The following F11R variants were observed in gnomAD, a reference collection of about 807,000 sequenced individuals.
F11R encodes junctional adhesion molecule A.
Under a neutral mutation model 39.3 loss-of-function variants are expected in F11R, and 27 were observed. The ratio of observed to expected loss-of-function variants is 0.69; its 90% CI spans 0.51 to 0.95. The LOEUF is 0.95. F11R is among the 40% of genes least tolerant of loss of function. F11R has a pLI of 0.00. For synonymous variants in F11R, 131 were observed against 144.9 expected (o/e 0.90, Z 0.69); for missense variants, 335 against 372.7 (o/e 0.90, Z 0.83).
At chr1:161,011,530 A>C (rs1649159568) in intron 1 of F11R, among the ~76,000 whole-genome samples, 1 of 151,988 alleles carries the variant, frequency 6.6e-6, no homozygotes, top group Non-Finnish European at 1.5e-5. Flanking sequence ...GGAGTTCAGG[A>C]CCAGCCTGGC....
intron 1 of F11R, among the ~76,000 whole-genome samples, chr1:161,006,079 C>T (rs978120961): frequency 8.6e-5 from 13 of 151,170 alleles, no homozygotes; most frequent in African/African-American, 2.9e-4. Flanking sequence ...CGAAGGTTGC[C>T]GTGAGCCAAG....
intron 7 of F11R, 88 bp from the exon 8 acceptor site, chr1:160,999,496 G>A: frequency 6.3e-7 from 1 of 1,575,596 alleles, no homozygotes; most frequent in Non-Finnish European, 8.7e-7. Flanking sequence ...CCCAGCTCTT[G>A]GTGTTAGATG....
chr1:161,002,211 G>A (rs750452177), intron 1 of F11R, among the ~76,000 whole-genome samples: 4 of 146,804 alleles, frequency 2.7e-5, no homozygotes, highest in South Asian at 2.2e-4. Context: ...GCAGTGAGCC[G>A]AGATCGCGCC....
At chr1:161,019,074 A>G (rs1649607165) in intron 1 of F11R, among the ~76,000 whole-genome samples, 2 of 152,214 alleles carry the variant, frequency 1.3e-5, no homozygotes, top group Non-Finnish European at 2.9e-5. Flanking sequence ...ATACTGTCAC[A>G]GACAAACACT....
intron 1 of F11R, among the ~76,000 whole-genome samples, chr1:161,015,620 A>G (rs996534213): frequency 6.1e-5 from 9 of 148,714 alleles, no homozygotes; most frequent in Admixed American, 5.4e-4. Flanking sequence ...GCAGTGAGCT[A>G]TGATCATGCC....
intron 1 of F11R, among the ~76,000 whole-genome samples, chr1:161,004,990 G>A (rs987992586): frequency 1.1e-4 from 17 of 151,278 alleles, no homozygotes; most frequent in Admixed American, 2.6e-4. Context: ...GCGAAATCTC[G>A]TCTCTAGTAA....
chr1:161,018,524 C>T (rs928522769), intron 1 of F11R, among the ~76,000 whole-genome samples: 1 of 152,206 alleles, frequency 6.6e-6, no homozygotes. Flanking sequence ...GGGATAACAG[C>T]TGCCCAAAAA....
At chr1:161,011,004 A>G (rs1462680718) in intron 1 of F11R, among the ~76,000 whole-genome samples, 2 of 148,720 alleles carry the variant, frequency 1.3e-5, no homozygotes, top group East Asian at 3.9e-4. Flanking sequence ...AAATTCATGT[A>G]CAAGAACAAT....
At chr1:161,012,930 ATTTATT>A (rs1649254360) in intron 1 of F11R, among the ~76,000 whole-genome samples, 1 of 152,038 alleles carries the variant, frequency 6.6e-6, no homozygotes, top group Non-Finnish European at 1.5e-5. Flanking sequence ...CGGCCGATTT[ATTTATT>A]TTTAACTTTA....
chr1:161,013,606 G>T (rs553225217), intron 1 of F11R, among the ~76,000 whole-genome samples: 19 of 152,206 alleles, frequency 1.2e-4, no homozygotes, highest in Non-Finnish European at 2.6e-4. Flanking sequence ...GGGGTTTGGG[G>T]TAGAACAGTT....
intron 1 of F11R, among the ~76,000 whole-genome samples, chr1:161,016,667 A>AG (rs1338214285): frequency 1.3e-5 from 2 of 152,144 alleles, no homozygotes; most frequent in Non-Finnish European, 2.9e-5. Flanking sequence ...AAAAAAAAAA[A>AG]AAGTGATCTG....
At position 160,995,909 on chromosome 1, in the gene F11R, C is replaced by T. The variant is rs915643736; in HGVS notation, c.*2962G>A. The T allele has an allele frequency of 2.6e-5, 4 of 152,318 alleles. No individual in the cohort carries two copies. Among genetic ancestry groups the T allele is most frequent in the African/African-American group, 9.6e-5 (4 of 41,452 alleles). 9.4% of individuals were successfully genotyped at this position (152,318 alleles called of 1,614,324 possible). ...CATCCTTAACACTCAATCATTTTATCCCAGATTATGCTGAGTTCATGTCTC... is the reference window on the plus strand; with the variant it reads ...CATCCTTAACACTCAATCATTTTATTCCAGATTATGCTGAGTTCATGTCTC... On this transcript the variant is annotated 3_prime_UTR_variant, in exon 10 of 10. Coordinates refer to ENST00000368026, the MANE Select transcript of F11R (RefSeq NM_016946.6).
intron 1 of F11R, among the ~76,000 whole-genome samples, chr1:161,013,825 C>T (rs1222253139): frequency 6.6e-6 from 1 of 152,154 alleles, no homozygotes; most frequent in Non-Finnish European, 1.5e-5. Context: ...TCCGGTTCTA[C>T]CTGCTCAGCT....
intron 1 of F11R, among the ~76,000 whole-genome samples, chr1:161,007,015 A>T (rs1308452369): frequency 6.6e-6 from 1 of 152,034 alleles, no homozygotes; most frequent in Non-Finnish European, 1.5e-5. Flanking sequence ...AAATATATAT[A>T]TAAAAATTAG....
chr1:160,999,795 C>T (rs790056), intron 6 of F11R, 48 bp from the exon 7 acceptor site: 1,290,039 of 1,606,982 alleles, frequency 0.8, 518,873 homozygotes, highest in African/African-American at 0.91. Flanking sequence ...TCACTCACGG[C>T]ACCTACAGTA....
chr1:161,001,404 C>A, intron 1 of F11R, 51 bp from the exon 2 acceptor site: 1 of 1,531,914 alleles, frequency 6.5e-7, no homozygotes, highest in Non-Finnish European at 9.0e-7. Flanking sequence ...AGAGAAATGC[C>A]AGGAAGAAGG....
In F11R at chr1:160,999,925, C is replaced by T; in HGVS notation, c.645G>A (p.Arg215=). The change falls in exon 6 of 10, where the codon CGG becomes CGA. Residue 215 remains arginine (R), a synonymous_variant. Transcript: ENST00000368026. ...SDTGEYSCEA[R]NGYGTPMTSN... ...AAGTCATGGGTGTCCCATACCCATT[C>T]CGTGCCTCACAGCTGTATTCTCCAG... The T allele has an allele frequency of 6.2e-7, 1 of 1,614,232 alleles. No individual in the cohort carries two copies. The highest frequency in any genetic ancestry group is 8.5e-7 in the Non-Finnish European group (1 of 1,180,036).
chr1:161,017,340 C>T (rs189954394), intron 1 of F11R, among the ~76,000 whole-genome samples: 1 of 152,060 alleles, frequency 6.6e-6, no homozygotes, highest in Admixed American at 6.6e-5. Flanking sequence ...GTCTCCTGCC[C>T]GTCCCTGGGC....
chr1:161,000,195 C>T lies in F11R; in HGVS notation c.542G>A (p.Arg181His), dbSNP rs563452002. 3.8e-5 allele frequency: 62 copies of T among 1,614,084 alleles called. No individual in the cohort carries two copies. The highest frequency in any genetic ancestry group is 3.3e-4 in the Middle Eastern group (2 of 6,058). Residue 181 changes from arginine to histidine, a missense_variant, in exon 5 of 10, where the codon CGT (arginine) becomes CAT (histidine). Arg to His is a conservative substitution (Grantham distance 29, BLOSUM62 0). Coordinates refer to ENST00000368026, the MANE Select transcript of F11R (RefSeq NM_016946.6). ...IVMPTNPKST[R>H]AFSNSSYVLN... ...GACATAGGAAGAGTTGCTGAAGGCA[C>T]GGGTGCTTTTGGGATTCGTAGGCAT...
Sources: gnomAD v4.1 joint callset for allele counts (sites outside exome capture counted in the v4.1 genomes callset) on GRCh38, gnomAD v4.1.1 for gene constraint, MANE v1.5 for transcripts, NCBI Gene and HGNC (gene_info 2026-07-23, HGNC 2026-07-21) for gene names.